LRRC4C: variants seen among roughly 807,000 people sequenced by gnomAD.
LRRC4C encodes leucine-rich repeat-containing protein 4C.
A neutral mutation model predicts 33.6 loss-of-function variants in LRRC4C; 5 were observed. The ratio of observed to expected loss-of-function variants is 0.15; its 90% CI spans 0.08 to 0.31. LRRC4C has a LOEUF of 0.31. LRRC4C is among the 10% of genes least tolerant of loss of function. The probability of loss-of-function intolerance (pLI) is 1.00; values close to 1 mark genes in which losing one functional copy is unlikely to be tolerated. For synonymous variants in LRRC4C, 329 were observed against 302.0 expected, an observed-to-expected ratio of 1.09 and a Z score of -0.93; for missense variants, 560 against 796.7, an observed-to-expected ratio of 0.70 and a Z score of 3.58.
intron 4 of LRRC4C, among the ~76,000 whole-genome samples, chr11:40,286,025 C>T (rs1943813776): frequency 1.3e-5 from 2 of 152,094 alleles, no homozygotes; most frequent in South Asian, 4.2e-4. Flanking sequence ...ATCAAATGCT[C>T]AAGAAATGGT....
intron 3 of LRRC4C, among the ~76,000 whole-genome samples, chr11:40,455,222 T>C (rs1422538851): frequency 1.3e-5 from 2 of 152,198 alleles, no homozygotes; most frequent in Non-Finnish European, 2.9e-5. Context: ...AACAAAGTCA[T>C]GCAGAGTGCC....
At chr11:40,630,192 C>T (rs892889216) in intron 3 of LRRC4C, among the ~76,000 whole-genome samples, 2 of 152,008 alleles carry the variant, frequency 1.3e-5, no homozygotes, top group African/African-American at 4.8e-5. Context: ...AGAAAAATCT[C>T]AAGAACATTA....
chr11:40,428,100 C>G (rs1215925899), intron 3 of LRRC4C, among the ~76,000 whole-genome samples: 1 of 152,086 alleles, frequency 6.6e-6, no homozygotes, highest in African/African-American at 2.4e-5. Context: ...ATCTGTATAA[C>G]AGAATCCTAT....
At chr11:40,867,690 C>T (rs989111915) in intron 2 of LRRC4C, among the ~76,000 whole-genome samples, 2 of 152,102 alleles carry the variant, frequency 1.3e-5, no homozygotes, top group Non-Finnish European at 2.9e-5. Flanking sequence ...CAGGGCCTTC[C>T]GTCAATATAC....
intron 1 of LRRC4C, among the ~76,000 whole-genome samples, chr11:40,993,275 T>C (rs71484190): frequency 6.6e-6 from 1 of 152,152 alleles, no homozygotes; most frequent in Non-Finnish European, 1.5e-5. Flanking sequence ...GCACATATAA[T>C]TTTTTCTGTT....
At chr11:40,700,968 T>A (rs1478046174) in intron 2 of LRRC4C, among the ~76,000 whole-genome samples, 2 of 152,036 alleles carry the variant, frequency 1.3e-5, no homozygotes, top group African/African-American at 4.8e-5. Flanking sequence ...AACTGGAGAG[T>A]ACATATTTTC....
intron 1 of LRRC4C, among the ~76,000 whole-genome samples, chr11:41,037,449 CCTG>C (rs1857148966): frequency 6.6e-6 from 1 of 152,090 alleles, no homozygotes; most frequent in Non-Finnish European, 1.5e-5. Context: ...AAGTGATCCT[CCTG>C]CCTTGGCCTC....
chr11:40,666,953 A>G (rs1442989253), intron 2 of LRRC4C, among the ~76,000 whole-genome samples: 1 of 152,210 alleles, frequency 6.6e-6, no homozygotes, highest in Non-Finnish European at 1.5e-5. Context: ...ATGGGGAAAT[A>G]CCTTGAATTC....
intron 1 of LRRC4C, among the ~76,000 whole-genome samples, chr11:40,955,919 T>A (rs1177331864): frequency 6.6e-6 from 1 of 151,850 alleles, no homozygotes; most frequent in Non-Finnish European, 1.5e-5. Flanking sequence ...TGAATCAAGT[T>A]CCATAGGGAC....
intron 1 of LRRC4C, among the ~76,000 whole-genome samples, chr11:41,267,793 T>A (rs937532964): frequency 2.0e-5 from 3 of 152,086 alleles, no homozygotes; most frequent in Non-Finnish European, 2.9e-5. Context: ...TGAAGGATAA[T>A]AATAGTACCC....
chr11:40,264,597 A>C (rs1162873645), intron 4 of LRRC4C, among the ~76,000 whole-genome samples: 1 of 152,210 alleles, frequency 6.6e-6, no homozygotes, highest in Admixed American at 6.5e-5. Context: ...GATGAATATA[A>C]CTAGGCTGTC....
intron 2 of LRRC4C, among the ~76,000 whole-genome samples, chr11:40,906,708 C>CTG (rs1043024394): frequency 2.9e-4 from 43 of 149,436 alleles, no homozygotes; most frequent in South Asian, 6.4e-4. Context: ...CTCTCTCTCT[C>CTG]TGTGTGTGTG....
chr11:40,165,615 TTC>T (rs1859524460), intron 5 of LRRC4C, among the ~76,000 whole-genome samples: 1 of 152,170 alleles, frequency 6.6e-6, no homozygotes, highest in Non-Finnish European at 1.5e-5. Context: ...CCTGCTTCAG[TTC>T]TGAGTCTTAA....
In LRRC4C at chr11:40,116,124, A is replaced by T. The variant is rs267602874; in HGVS notation, c.169T>A (p.Phe57Ile). 1 of 1,614,060 alleles carries T rather than the reference A, an allele frequency of 6.2e-7. No individual in the cohort carries two copies. Among genetic ancestry groups the T allele is most frequent in the Admixed American group, 1.7e-5 (1 of 60,000 alleles). ...CPSVCSCSNQ[F>I]SKVICVRKNL... ...TTCCGAACACAAATCACCTTGCTGAACTGGTTGCTGCAGGAGCACACAGAA... is the reference window on the plus strand; with the variant it reads ...TTCCGAACACAAATCACCTTGCTGATCTGGTTGCTGCAGGAGCACACAGAA... Residue 57 changes from phenylalanine (F) to isoleucine (I), a missense_variant, in exon 7 of 7, where the codon TTC (phenylalanine) becomes ATC (isoleucine). Phe to Ile is a conservative substitution (Grantham distance 21, BLOSUM62 0). This residue lies in a region of LRRC4C where 455 missense variants were observed against 643.8 expected (regional missense o/e 0.71). Coordinates refer to ENST00000528697, the MANE Select transcript of LRRC4C (RefSeq NM_001258419.2).
intron 1 of LRRC4C, among the ~76,000 whole-genome samples, chr11:41,077,676 AC>A (rs1330349472): frequency 6.6e-6 from 1 of 152,122 alleles, no homozygotes; most frequent in African/African-American, 2.4e-5. Context: ...AAGAACTCTA[AC>A]ATTTCCTGGA....
At chr11:40,682,445 G>A (rs1267670434) in intron 2 of LRRC4C, among the ~76,000 whole-genome samples, 2 of 152,200 alleles carry the variant, frequency 1.3e-5, no homozygotes, top group Non-Finnish European at 2.9e-5. Flanking sequence ...GGGCCTTAAG[G>A]ACTGCTTTTC....
At chr11:41,077,780 G>A (rs1022921026) in intron 1 of LRRC4C, among the ~76,000 whole-genome samples, 2 of 152,132 alleles carry the variant, frequency 1.3e-5, no homozygotes, top group African/African-American at 4.8e-5. Context: ...TCCAGAAAAT[G>A]GGTTTTTCTT....
chr11:41,264,779 A>G (rs1949096164), intron 1 of LRRC4C, among the ~76,000 whole-genome samples: 2 of 152,158 alleles, frequency 1.3e-5, no homozygotes, highest in African/African-American at 4.8e-5. Context: ...GGATAGACAT[A>G]TTTTTAGAAA....
intron 1 of LRRC4C, among the ~76,000 whole-genome samples, chr11:41,186,296 T>C (rs933960674): frequency 6.6e-6 from 1 of 152,158 alleles, no homozygotes; most frequent in Middle Eastern, 3.2e-3. Context: ...AGAGAAGTGG[T>C]TAAGTATATT....
Sources: gnomAD v4.1 joint callset for allele counts (sites outside exome capture counted in the v4.1 genomes callset) on GRCh38, gnomAD v4.1.1 for gene constraint, gnomAD v4.1.1 regional missense constraint, MANE v1.5 for transcripts, NCBI Gene and HGNC (gene_info 2026-07-23, HGNC 2026-07-21) for gene names.